The following TIAM1 variants were observed in gnomAD, a reference collection of about 807,000 sequenced individuals.
TIAM1 encodes the protein rho guanine nucleotide exchange factor TIAM1.
Under a neutral mutation model 163.5 loss-of-function variants are expected in TIAM1, and 65 were observed. The ratio of observed to expected loss-of-function variants is 0.40; its 90% CI spans 0.33 to 0.49. The LOEUF is 0.49. TIAM1 is among the 20% of genes least tolerant of loss of function. The pLI, the probability that TIAM1 is intolerant of heterozygous loss-of-function variation, is 0.77. For synonymous variants in TIAM1, 833 were observed against 810.1 expected, an observed-to-expected ratio of 1.03 and a Z score of -0.48; for missense variants, 1,789 against 2,044.7, an observed-to-expected ratio of 0.87 and a Z score of 2.41.
chr21:31,471,565 C>T (rs900789578), intron 1 of TIAM1, among the ~76,000 whole-genome samples: 1 of 151,954 alleles, frequency 6.6e-6, no homozygotes, highest in African/African-American at 2.4e-5. Context: ...TCCACAGGGC[C>T]CTTGCCCAAA....
intron 2 of TIAM1, among the ~76,000 whole-genome samples, chr21:31,330,513 A>G (rs1468454722): frequency 6.6e-6 from 1 of 152,138 alleles, no homozygotes; most frequent in Non-Finnish European, 1.5e-5. Flanking sequence ...ATCTCAGCTC[A>G]CTGCAACCTC....
chr21:31,462,579 G>A (rs367913186), intron 2 of TIAM1, among the ~76,000 whole-genome samples: 3 of 152,092 alleles, frequency 2.0e-5, no homozygotes, highest in Non-Finnish European at 4.4e-5. Flanking sequence ...TAATACCAGG[G>A]AGGCATCATT....
chr21:31,502,115 A>G (rs2046870056), intron 1 of TIAM1, among the ~76,000 whole-genome samples: 1 of 152,220 alleles, frequency 6.6e-6, no homozygotes, highest in South Asian at 2.1e-4. Flanking sequence ...TTCAACTGGC[A>G]GAATTAATGA....
intron 1 of TIAM1, among the ~76,000 whole-genome samples, chr21:31,551,781 G>C (rs990546961): frequency 1.3e-5 from 2 of 152,046 alleles, no homozygotes; most frequent in Admixed American, 6.6e-5. Context: ...AAAAAATGTG[G>C]AGAATGAAGG....
chr21:31,295,339 A>G (rs74813578), intron 2 of TIAM1, among the ~76,000 whole-genome samples: 14,853 of 152,018 alleles, frequency 0.098, 900 homozygotes, highest in East Asian at 0.23. Flanking sequence ...GCGTGGTGGC[A>G]GGCACCTGTA....
intron 6 of TIAM1, among the ~76,000 whole-genome samples, chr21:31,237,290 T>C: frequency 6.6e-6 from 1 of 152,194 alleles, no homozygotes; most frequent in Non-Finnish European, 1.5e-5. Flanking sequence ...TTTACAGGTT[T>C]TTCCCTAACC....
At chr21:31,306,238 T>A (rs962669951) in intron 2 of TIAM1, among the ~76,000 whole-genome samples, 1 of 151,956 alleles carries the variant, frequency 6.6e-6, no homozygotes, top group African/African-American at 2.4e-5. Flanking sequence ...GAGTTCTGAT[T>A]GCACCACTGC....
chr21:31,228,885 G>C (rs2088223427), intron 6 of TIAM1, among the ~76,000 whole-genome samples: 1 of 152,154 alleles, frequency 6.6e-6, no homozygotes, highest in South Asian at 2.1e-4. Context: ...TTCTCACGGT[G>C]GCAGCGAGGA....
At chr21:31,295,341 G>A (rs760239279) in intron 2 of TIAM1, among the ~76,000 whole-genome samples, 2 of 151,892 alleles carry the variant, frequency 1.3e-5, no homozygotes, top group African/African-American at 2.4e-5. Context: ...GTGGTGGCAG[G>A]CACCTGTAGT....
chr21:31,404,266 C>A (rs536524173), intron 2 of TIAM1, among the ~76,000 whole-genome samples: 1 of 152,240 alleles, frequency 6.6e-6, no homozygotes, highest in South Asian at 2.1e-4. Context: ...CCAAGGAGTT[C>A]AAGACCATAA....
At chr21:31,442,899 T>C (rs1458948052) in intron 2 of TIAM1, among the ~76,000 whole-genome samples, 1 of 152,218 alleles carries the variant, frequency 6.6e-6, no homozygotes, top group Non-Finnish European at 1.5e-5. Context: ...AGGTCACATA[T>C]GCAAATATGA....
intron 14 of TIAM1, among the ~76,000 whole-genome samples, chr21:31,183,734 G>A (rs1294711983): frequency 7.1e-6 from 1 of 141,274 alleles, no homozygotes; most frequent in African/African-American, 2.6e-5. Flanking sequence ...TCACTCTGTT[G>A]CCCAGGCTGA....
At chr21:31,479,491 G>A (rs779027781) in intron 1 of TIAM1, among the ~76,000 whole-genome samples, 6 of 152,150 alleles carry the variant, frequency 3.9e-5, no homozygotes, top group Middle Eastern at 3.4e-3. Context: ...ATGGATGAGC[G>A]GCAGAGGTCT....
Position 31,395,599 on chromosome 21 carries a change from G to A in TIAM1, c.-368-56177C>T, listed in dbSNP as rs566179534. 1.3e-4 allele frequency among the ~76,000 whole-genome samples: 20 copies of A among 152,294 alleles called. No homozygotes were observed. The highest frequency in any genetic ancestry group is 8.5e-4 in the Admixed American group (13 of 15,300). ...CTCTCCAACTGAGAAAGCAGATTGC[G>A]TTACATTTCTCCACATAAATGAACT... is the stretch of plus-strand genomic sequence containing the variant. On this transcript the variant is annotated intron_variant, in intron 2 of 28. Coordinates refer to the TIAM1 transcript ENST00000286827. The surrounding 1 kb of genome is among the most constrained non-coding windows in gnomAD (Gnocchi z 7.5).
At chr21:31,367,248 T>C (rs2076519350) in intron 2 of TIAM1, among the ~76,000 whole-genome samples, 2 of 152,192 alleles carry the variant, frequency 1.3e-5, no homozygotes, top group Non-Finnish European at 1.5e-5. Context: ...CAGCAGTCTT[T>C]CAGTTGCAAG....
In TIAM1 at chr21:31,395,359, T is replaced by TG. The variant is rs139897573; in HGVS notation, c.-368-55938dup. On this transcript the variant is annotated intron_variant, in intron 2 of 28. Transcript: ENST00000286827. This position sits in a 1 kb window ranked among gnomAD's most constrained non-coding sequence, Gnocchi z 7.5. ...ACAAATGGCCCCACACACAGATCAC[T>TG]GCTTGCCTCCAGAGAGAAGCAGTCC... 0.062 allele frequency among the ~76,000 whole-genome samples: 9,434 copies of TG among 152,178 alleles called. 353 individuals are homozygous for TG. Among genetic ancestry groups the TG allele is most frequent in the Middle Eastern group, 0.12 (34 of 292 alleles).
At chr21:31,121,157 T>C (rs1006672309) in intron 27 of TIAM1, among the ~76,000 whole-genome samples, 3 of 152,074 alleles carry the variant, frequency 2.0e-5, no homozygotes, top group Non-Finnish European at 2.9e-5. Flanking sequence ...CCTGTGCACC[T>C]AAGAGATGGG....
At chr21:31,556,344 G>A (rs1412332363) in intron 1 of TIAM1, among the ~76,000 whole-genome samples, 2 of 152,204 alleles carry the variant, frequency 1.3e-5, no homozygotes, top group Non-Finnish European at 2.9e-5. Context: ...AACTGAGGCA[G>A]GCCCAGGGGA....
At position 31,262,934 on chromosome 21, in the gene TIAM1, C is replaced by CA. The variant is rs1018118553; in HGVS notation, c.963+3075dup. ...GGTCCCCTGGGTCAAAAACTTTTAC[C>CA]AAAAAAAAAGAAAAAAATTTTTTTT... On this transcript the variant is annotated intron_variant, in intron 4 of 27. Coordinates refer to ENST00000541036, the MANE Select transcript of TIAM1 (RefSeq NM_001353694.2). Among the ~76,000 whole-genome samples, 153 of 141,522 alleles carry CA rather than the reference C, an allele frequency of 1.1e-3. 3 individuals are homozygous for CA. Among genetic ancestry groups the CA allele is most frequent in the Admixed American group, 6.3e-4 (9 of 14,246 alleles). The allele number at this position is 141,522 out of a possible 152,430, so 92.8% of individuals were successfully genotyped here.
Sources: allele counts gnomAD v4.1 joint callset (sites outside exome capture counted in the v4.1 genomes callset), GRCh38; gene constraint gnomAD v4.1.1; non-coding constraint Gnocchi (gnomAD v3.1); transcripts MANE v1.5; gene names NCBI Gene and HGNC (gene_info 2026-07-23, HGNC 2026-07-21).